The following TMPO variants were observed in gnomAD, a reference collection of about 807,000 sequenced individuals.
TMPO encodes LEM domain containing 4.
TMPO carries 22 observed loss-of-function variants against 45.4 expected under a neutral mutation model. The ratio of observed to expected loss-of-function variants is 0.48; its 90% CI spans 0.35 to 0.69. TMPO has a LOEUF of 0.69. Ranked by LOEUF, TMPO falls within the 30% of genes least tolerant of loss-of-function variation. The probability of loss-of-function intolerance (pLI) is 0.01; values close to 1 mark genes in which losing one functional copy is unlikely to be tolerated. For missense variants in TMPO, 512 were observed against 548.8 expected (o/e 0.93, Z 0.67); for synonymous variants, 241 against 204.1 (o/e 1.18, Z -1.54).
intron 3 of TMPO, among the ~76,000 whole-genome samples, chr12:98,537,158 T>C (rs1389593192): frequency 6.6e-6 from 1 of 152,220 alleles, no homozygotes; most frequent in Non-Finnish European, 1.5e-5. Context: ...TTGTTCTTAC[T>C]GAAAAGCTTT....
intron 4 of TMPO, among the ~76,000 whole-genome samples, chr12:98,539,471 C>CTTTTTTTTTT (rs398039980): frequency 8.1e-6 from 1 of 123,492 alleles, no homozygotes; most frequent in African/African-American, 3.1e-5. Flanking sequence ...TTTTAAATTA[C>CTTTTTTTTTT]TTTTTTTTTT....
chr12:98,549,522 G>A lies in TMPO; in HGVS notation c.*1664G>A, dbSNP rs1368520169. Reference sequence around the variant, plus strand: ...CTTTGTGGATGATTTTTTTTTTTAAGCTGAAACTTACCTCATGAATAACTT... The same window carrying A: ...CTTTGTGGATGATTTTTTTTTTTAAACTGAAACTTACCTCATGAATAACTT... On this transcript the variant is annotated 3_prime_UTR_variant, in exon 9 of 9. Coordinates refer to ENST00000556029, the MANE Select transcript of TMPO (RefSeq NM_001032283.3). The A allele has an allele frequency of 1.4e-5, 2 of 147,800 alleles. No homozygotes were observed. The highest frequency in any genetic ancestry group is 5.0e-5 in the African/African-American group (2 of 40,192). The allele number at this position is 147,800 out of a possible 1,614,324, so 9.2% of individuals were successfully genotyped here.
At chr12:98,520,045 T>C (rs111441521) in intron 1 of TMPO, among the ~76,000 whole-genome samples, 32,990 of 151,678 alleles carry the variant, frequency 0.22, 4,622 homozygotes, top group Non-Finnish European at 0.31. Context: ...CTGCAACCTC[T>C]GCCTCCCGGG....
chr12:98,547,718 C>A lies in TMPO; in HGVS notation c.1225C>A (p.Arg409Ser). The change falls in exon 9 of 9, where the codon CGC becomes AGC. Residue 409 changes from arginine to serine, a missense_variant. Arg to Ser is a moderately radical substitution (Grantham distance 110). This residue lies in a region of TMPO where 209 missense variants were observed against 235.1 expected (regional missense o/e 0.89). Coordinates refer to ENST00000556029, the MANE Select transcript of TMPO (RefSeq NM_001032283.3). ...DVKSEKTKKG[R>S]SIPVWIKILL... ...CAAGTCAGAAAAGACAAAAAAGGGA[C>A]GCTCCATTCCCGTATGGATAAAAAT... is the stretch of plus-strand genomic sequence containing the variant. 6.2e-7 allele frequency: 1 copy of A among 1,614,094 alleles called. No individual in the cohort carries two copies. The highest frequency in any genetic ancestry group is 2.2e-5 in the East Asian group (1 of 44,876).
intron 4 of TMPO, among the ~76,000 whole-genome samples, chr12:98,539,877 A>G (rs1360722374): frequency 3.3e-5 from 5 of 152,256 alleles, no homozygotes; most frequent in Non-Finnish European, 5.9e-5. Context: ...TTTAGCATAT[A>G]TCTCTGAAAG....
chr12:98,536,894 CCTT>C (rs1220758234), intron 3 of TMPO, among the ~76,000 whole-genome samples: 4 of 152,110 alleles, frequency 2.6e-5, no homozygotes, highest in Admixed American at 2.6e-4. Flanking sequence ...GAACAAGATT[CCTT>C]CTTTACCTGA....
intron 1 of TMPO, among the ~76,000 whole-genome samples, chr12:98,522,361 C>T (rs931239377): frequency 3.3e-5 from 5 of 152,112 alleles, no homozygotes; most frequent in African/African-American, 1.2e-4. Flanking sequence ...TGGAAAAGAA[C>T]ATAAAAGCAT....
chr12:98,547,877 G>T lies in TMPO; in HGVS notation c.*19G>T. On this transcript the variant is annotated 3_prime_UTR_variant, in exon 9 of 9. Transcript: ENST00000556029. ...CAACTGAATGGTATCTCTTTGGCACGTTCAACTTGGTCTCCTATTTTCAAT... is the reference window on the plus strand; with the variant it reads ...CAACTGAATGGTATCTCTTTGGCACTTTCAACTTGGTCTCCTATTTTCAAT... The T allele has an allele frequency of 6.2e-7, 1 of 1,612,488 alleles. No homozygotes were observed. The highest frequency in any genetic ancestry group is 8.5e-7 in the Non-Finnish European group (1 of 1,179,358).
intron 7 of TMPO, among the ~76,000 whole-genome samples, chr12:98,545,723 TG>T (rs1878190805): frequency 6.6e-6 from 1 of 152,166 alleles, no homozygotes; most frequent in South Asian, 2.1e-4. Context: ...TCTTAATAAA[TG>T]AAGAAACAGT....
At position 98,531,833 on chromosome 12, in the gene TMPO, A is replaced by G. The variant is rs1877216757; in HGVS notation, c.560A>G (p.Glu187Gly). Residue 187 changes from glutamate (E) to glycine (G), a missense_variant, in exon 3 of 9, where the codon GAA becomes GGA. Physicochemically the swap from Glu to Gly is moderately conservative, Grantham distance 98. Around this residue, in one of 3 missense-constraint regions of TMPO, gnomAD observed 299 missense variants for 296.7 expected, o/e 1.01. Coordinates refer to ENST00000556029, the MANE Select transcript of TMPO (RefSeq NM_001032283.3). ...GATTCTGACAGATACAGTGACAATG[A>G]AGAAGGTAAAATTTTAAATGATGTT... ...SNDSDRYSDN[E>G]EDSKIELKLE... 1 of 1,611,012 alleles carries G rather than the reference A, an allele frequency of 6.2e-7. No individual in the cohort carries two copies. The highest frequency in any genetic ancestry group is 8.5e-7 in the Non-Finnish European group (1 of 1,178,542).
intron 2 of TMPO, among the ~76,000 whole-genome samples, chr12:98,530,049 C>T (rs1877077902): frequency 6.6e-6 from 1 of 151,996 alleles, no homozygotes; most frequent in East Asian, 1.9e-4. Flanking sequence ...GTTTAAAGTT[C>T]TAAAAGGCCT....
intron 1 of TMPO, among the ~76,000 whole-genome samples, chr12:98,525,840 T>C (rs1039775769): frequency 6.6e-6 from 1 of 152,162 alleles, no homozygotes; most frequent in Non-Finnish European, 1.5e-5. Context: ...AAATCATGAC[T>C]GATTTTTCCC....
chr12:98,536,106 G>A (rs887974343), intron 3 of TMPO, among the ~76,000 whole-genome samples: 7 of 152,140 alleles, frequency 4.6e-5, no homozygotes, highest in South Asian at 4.1e-4. Context: ...ATCACTGTTC[G>A]TTTTTGGGAA....
rs758080148 is a variant in TMPO, at chr12:98,546,422, G to A, written c.1054G>A (p.Glu352Lys). ...RDILKEMFPY[E>K]ASTPTGISAS... is the part of the protein sequence containing the mutation. ...TATTCTTAAGGAAATGTTCCCCTAT[G>A]AAGCATCTACACCAACAGGAATTAG... Residue 352 changes from glutamate (E) to lysine (K), a missense_variant, in exon 8 of 9, where the codon GAA becomes AAA. Glu to Lys is a moderately conservative substitution (Grantham distance 56). Around this residue, in one of 3 missense-constraint regions of TMPO, gnomAD observed 209 missense variants for 235.1 expected, o/e 0.89. Transcript: ENST00000556029. The A allele has an allele frequency of 2.7e-5, 44 of 1,610,692 alleles. No individual in the cohort carries two copies. The highest frequency in any genetic ancestry group is 3.5e-5 in the Non-Finnish European group (41 of 1,177,578).
intron 1 of TMPO, among the ~76,000 whole-genome samples, chr12:98,526,873 G>A (rs904908759): frequency 2.6e-5 from 4 of 151,932 alleles, no homozygotes; most frequent in South Asian, 2.1e-4. Flanking sequence ...CAGGAGAATC[G>A]CTTGAACCCG....
chr12:98,521,464 A>G (rs994993368), intron 1 of TMPO, among the ~76,000 whole-genome samples: 4 of 152,232 alleles, frequency 2.6e-5, no homozygotes, highest in Non-Finnish European at 2.9e-5. Flanking sequence ...AGCTTCTACC[A>G]TAGTCTCTTG....
chr12:98,518,376 C>G lies in TMPO; in HGVS notation c.279+2230C>G, dbSNP rs567362601. On this transcript the variant is annotated intron_variant, in intron 1 of 8. Coordinates refer to ENST00000556029, the MANE Select transcript of TMPO (RefSeq NM_001032283.3). ...ATGTGATCATAGCTTACTGCAGCCT[C>G]AAACTCTTTGGCTCACGAGAGCCTC... Among the ~76,000 whole-genome samples, 3 of 151,278 alleles carry G rather than the reference C, an allele frequency of 2.0e-5. No homozygotes were observed. In the South Asian group the frequency reaches 6.3e-4, roughly 32 times the overall value.
chr12:98,542,189 A>G (rs1031346468), intron 4 of TMPO, among the ~76,000 whole-genome samples: 3 of 152,192 alleles, frequency 2.0e-5, no homozygotes, highest in African/African-American at 7.2e-5. Context: ...TCACCATTAC[A>G]TTTCTCTGCA....
At chr12:98,525,324 G>A (rs898501306) in intron 1 of TMPO, among the ~76,000 whole-genome samples, 7 of 152,148 alleles carry the variant, frequency 4.6e-5, no homozygotes, top group East Asian at 1.9e-4. Flanking sequence ...AAGATTTCTC[G>A]TAAGTTGACA....
Sources: allele counts gnomAD v4.1 joint callset (sites outside exome capture counted in the v4.1 genomes callset), GRCh38; gene constraint gnomAD v4.1.1; regional missense constraint gnomAD v4.1.1; transcripts MANE v1.5; gene names NCBI Gene and HGNC (gene_info 2026-07-23, HGNC 2026-07-21).